HHAT: variants seen among roughly 807,000 people sequenced by gnomAD.
The protein encoded by HHAT is protein-cysteine N-palmitoyltransferase HHAT.
A neutral mutation model predicts 70.8 loss-of-function variants in HHAT; 47 were observed. The ratio of observed to expected loss-of-function variants is 0.66; its 90% CI spans 0.53 to 0.85. HHAT has a LOEUF of 0.85. Ranked by LOEUF, HHAT falls within the 40% of genes least tolerant of loss-of-function variation. The probability of loss-of-function intolerance (pLI) is 0.00; values close to 1 mark genes in which losing one functional copy is unlikely to be tolerated. For missense variants in HHAT, 609 were observed against 604.8 expected, an observed-to-expected ratio of 1.01 and a Z score of -0.07; for synonymous variants, 228 against 247.6, an observed-to-expected ratio of 0.92 and a Z score of 0.74.
chr1:210,463,337 G>T (rs567165659), intron 7 of HHAT, among the ~76,000 whole-genome samples: 62 of 152,046 alleles, frequency 4.1e-4, no homozygotes, highest in East Asian at 9.6e-4. Flanking sequence ...CTCTCCCCAA[G>T]AAACCACTAG....
chr1:210,472,386 G>C (rs767235685), intron 8 of HHAT, among the ~76,000 whole-genome samples: 2 of 152,162 alleles, frequency 1.3e-5, no homozygotes, highest in Non-Finnish European at 2.9e-5. Context: ...GTGGAGCTGC[G>C]ATTTGAATCC....
chr1:210,335,683 C>T (rs1443707253), intron 1 of HHAT, among the ~76,000 whole-genome samples: 1 of 152,152 alleles, frequency 6.6e-6, no homozygotes, highest in East Asian at 1.9e-4. Flanking sequence ...AGAAGATGGT[C>T]TTCTCAGTAA....
intron 11 of HHAT, among the ~76,000 whole-genome samples, chr1:210,645,464 G>A (rs1467736303): frequency 2.6e-5 from 4 of 152,234 alleles, no homozygotes; most frequent in African/African-American, 9.6e-5. Context: ...TTTTTTAGTA[G>A]AGATGGGGTT....
intron 3 of HHAT, among the ~76,000 whole-genome samples, chr1:210,380,245 T>C (rs2090528308): frequency 1.3e-5 from 2 of 152,120 alleles, no homozygotes; most frequent in South Asian, 4.1e-4. Flanking sequence ...AACCTGTAAT[T>C]AAAGCACAGT....
At position 210,573,409 on chromosome 1, in the gene HHAT, G is replaced by A. The variant is rs187291402; in HGVS notation, c.1044-14489G>A. On this transcript the variant is annotated intron_variant, in intron 9 of 11. Coordinates refer to ENST00000261458, the MANE Select transcript of HHAT (RefSeq NM_018194.6). ...AGTGATGTGCCTGGCTAAGGAAGAG[G>A]TATTGTCGGGAAAGTTAACCCAAGT... Among the ~76,000 whole-genome samples the A allele has an allele frequency of 3.8e-3, 581 of 152,270 alleles. 5 individuals are homozygous for A. The highest frequency in any genetic ancestry group is 4.9e-3 in the Non-Finnish European group (336 of 68,022).
At chr1:210,538,064 A>T (rs564858598) in intron 9 of HHAT, among the ~76,000 whole-genome samples, 1 of 149,928 alleles carries the variant, frequency 6.7e-6, no homozygotes, top group East Asian at 2.0e-4. Context: ...AAACAATTGT[A>T]CACATTTTGT....
chr1:210,593,876 A>G (rs980833406), intron 10 of HHAT, among the ~76,000 whole-genome samples: 3 of 152,280 alleles, frequency 2.0e-5, no homozygotes, highest in African/African-American at 7.2e-5. Context: ...CAACTGTTAT[A>G]TCTTCTTGCT....
intron 10 of HHAT, among the ~76,000 whole-genome samples, chr1:210,618,337 G>T (rs575811796): frequency 1.3e-5 from 2 of 152,128 alleles, no homozygotes; most frequent in Admixed American, 6.5e-5. Context: ...CCCCTCATTT[G>T]CTCTCTCTGG....
At chr1:210,428,287 T>C (rs1233142027) in intron 7 of HHAT, among the ~76,000 whole-genome samples, 2 of 36 alleles carry the variant, frequency 0.056, no homozygotes, top group African/African-American at 0.12. Context: ...GAGCTTATAC[T>C]ATATATATAT....
At chr1:210,657,454 C>T (rs1297161553) in intron 11 of HHAT, among the ~76,000 whole-genome samples, 1 of 152,202 alleles carries the variant, frequency 6.6e-6, no homozygotes, top group East Asian at 1.9e-4. Flanking sequence ...ACATTTCCTT[C>T]CCCTTCCAGA....
chr1:210,339,251 G>A (rs189967649), intron 1 of HHAT, among the ~76,000 whole-genome samples: 3 of 152,268 alleles, frequency 2.0e-5, no homozygotes, highest in Admixed American at 1.3e-4. Context: ...AGAAGGTAGG[G>A]AACAACCTTT....
intron 11 of HHAT, among the ~76,000 whole-genome samples, chr1:210,661,689 G>A (rs1677757121): frequency 6.6e-6 from 1 of 152,146 alleles, no homozygotes; most frequent in Non-Finnish European, 1.5e-5. Flanking sequence ...AAGAAAAGGT[G>A]GCATATGTAT....
chr1:210,426,642 A>G (rs756030068), intron 7 of HHAT, among the ~76,000 whole-genome samples: 3 of 152,178 alleles, frequency 2.0e-5, no homozygotes, highest in Non-Finnish European at 2.9e-5. Flanking sequence ...AATGAATTAC[A>G]TTTATTGATT....
chr1:210,366,686 G>A (rs185849819), intron 3 of HHAT, among the ~76,000 whole-genome samples: 65 of 152,272 alleles, frequency 4.3e-4, no homozygotes, highest in African/African-American at 1.5e-3. Flanking sequence ...AATGCCCCCA[G>A]GAGGCAAAAA....
intron 9 of HHAT, among the ~76,000 whole-genome samples, chr1:210,543,806 T>C (rs1417311272): frequency 1.3e-5 from 2 of 152,170 alleles, no homozygotes. Context: ...GATGAGAATC[T>C]AGCAACATCC....
intron 9 of HHAT, among the ~76,000 whole-genome samples, chr1:210,547,677 A>G (rs1263512091): frequency 1.3e-5 from 2 of 152,212 alleles, no homozygotes; most frequent in Non-Finnish European, 2.9e-5. Context: ...GAGGAAGATG[A>G]TTAAATGAGT....
chr1:210,418,044 G>A (rs2092776098), intron 6 of HHAT, 110 bp from the exon 7 acceptor site: 5 of 1,034,926 alleles, frequency 4.8e-6, no homozygotes, highest in Admixed American at 1.8e-5. Context: ...CCAACCCTCT[G>A]TCAGCTGGCA....
chr1:210,565,759 G>C (rs866663747), intron 9 of HHAT, among the ~76,000 whole-genome samples: 1 of 152,284 alleles, frequency 6.6e-6, no homozygotes, highest in Middle Eastern at 3.4e-3. Context: ...GAAGAGGAGA[G>C]TCAGGACCAA....
At chr1:210,390,355 G>A (rs191843604) in intron 4 of HHAT, among the ~76,000 whole-genome samples, 78 of 152,270 alleles carry the variant, frequency 5.1e-4, no homozygotes, top group African/African-American at 1.8e-3. Context: ...ATAGCAAAGA[G>A]CATTACTAGT....
Sources: gnomAD v4.1 joint callset for allele counts (sites outside exome capture counted in the v4.1 genomes callset) on GRCh38, gnomAD v4.1.1 for gene constraint, MANE v1.5 for transcripts, NCBI Gene and HGNC (gene_info 2026-07-23, HGNC 2026-07-21) for gene names.